The following GALK2 variants were observed in gnomAD, a reference collection of about 807,000 sequenced individuals.
GALK2 encodes N-acetylgalactosamine kinase.
A neutral mutation model predicts 52.4 loss-of-function variants in GALK2; 36 were observed. That is an observed-to-expected ratio of 0.69 (90% CI 0.53 to 0.91). GALK2 has a LOEUF of 0.91. Among genes scored for constraint, GALK2 ranks in the 40% least tolerant of loss-of-function variants. GALK2 has a pLI of 0.00. For synonymous variants in GALK2, 176 were observed against 199.1 expected, an observed-to-expected ratio of 0.88 and a Z score of 0.98; for missense variants, 579 against 559.1, an observed-to-expected ratio of 1.04 and a Z score of -0.36.
intron 3 of GALK2, among the ~76,000 whole-genome samples, chr15:49,354,230 G>C (rs1308623493): frequency 1.3e-5 from 2 of 152,108 alleles, no homozygotes; most frequent in South Asian, 4.1e-4. Flanking sequence ...AAAAGTCTGT[G>C]TATGGGGAGG....
intron 8 of GALK2, among the ~76,000 whole-genome samples, chr15:49,314,343 A>C (rs755685235): frequency 3.9e-5 from 6 of 152,230 alleles, no homozygotes; most frequent in Admixed American, 6.5e-5. Flanking sequence ...AATATAAACA[A>C]TTCTCAGTCA....
chr15:49,182,201 A>G (rs891407949), intron 1 of GALK2, among the ~76,000 whole-genome samples: 18 of 152,184 alleles, frequency 1.2e-4, no homozygotes, highest in Admixed American at 4.6e-4. Context: ...CATGAGTTCA[A>G]TTGTTTTAAT....
At position 49,328,659 on chromosome 15, in the gene GALK2, A is replaced by G. The variant is rs2037958337; in HGVS notation, c.*500A>G. The G allele has an allele frequency of 6.4e-7, 1 of 1,567,712 alleles. No homozygotes were observed. Among genetic ancestry groups the G allele is most frequent in the Non-Finnish European group, 8.7e-7 (1 of 1,153,408 alleles). The stretch of plus-strand genomic sequence containing the variant: ...TAGTGATGCCACACATTCTCTCTCA[A>G]TTTCAGCTTCGGAACGCTATGAAAA... On this transcript the variant is annotated 3_prime_UTR_variant, in exon 10 of 10. Transcript: ENST00000560031.
chr15:49,282,149 AAGGCCCTGAG>A, intron 6 of GALK2, 64 bp downstream of exon 6: 2 of 1,215,792 alleles, frequency 1.6e-6, no homozygotes, highest in African/African-American at 1.5e-5. Flanking sequence ...CATGGAGAAG[AAGGCCCTGAG>A]AGCCCCAGGA....
chr15:49,354,412 G>A (rs1184364455), intron 3 of GALK2, among the ~76,000 whole-genome samples: 1 of 152,220 alleles, frequency 6.6e-6, no homozygotes, highest in Non-Finnish European at 1.5e-5. Context: ...GCCGAAGCAG[G>A]GCGAGGCATT....
At chr15:49,305,655 AATAGCAAG>A (rs1387586120) in intron 8 of GALK2, among the ~76,000 whole-genome samples, 1 of 152,236 alleles carries the variant, frequency 6.6e-6, no homozygotes, top group African/African-American at 2.4e-5. Context: ...TAACACAAGA[AATAGCAAG>A]ATACATGCTT....
intron 3 of GALK2, among the ~76,000 whole-genome samples, chr15:49,366,954 C>G (rs1010950451): frequency 2.0e-5 from 3 of 152,116 alleles, no homozygotes; most frequent in Non-Finnish European, 2.9e-5. Context: ...GGGCCCTACC[C>G]CTGCTTCAAC....
intron 5 of GALK2, among the ~76,000 whole-genome samples, chr15:49,275,940 C>A (rs2031585038): frequency 6.6e-6 from 1 of 152,172 alleles, no homozygotes; most frequent in Non-Finnish European, 1.5e-5. Context: ...CAGGCTGCTT[C>A]AAGAGAACCA....
intron 7 of GALK2, among the ~76,000 whole-genome samples, chr15:49,291,944 T>G (rs1390421685): frequency 6.6e-6 from 1 of 152,162 alleles, no homozygotes; most frequent in African/African-American, 2.4e-5. Flanking sequence ...TTTAAGTAGT[T>G]TTCTCTTGAC....
chr15:49,309,778 G>A (rs181277386), intron 8 of GALK2, among the ~76,000 whole-genome samples: 10 of 151,940 alleles, frequency 6.6e-5, no homozygotes, highest in East Asian at 3.9e-4. Flanking sequence ...GCCCCACGAC[G>A]CCCGGCTAAT....
At chr15:49,201,053 A>T (rs1427002337) in intron 1 of GALK2, 109 bp from the exon 2 acceptor site, 14 of 400,740 alleles carry the variant, frequency 3.5e-5, no homozygotes, top group East Asian at 1.3e-4. Context: ...AGGCATATGG[A>T]GTGTGTGTGT....
At chr15:49,250,770 C>T (rs1163048602) in intron 5 of GALK2, among the ~76,000 whole-genome samples, 5 of 152,126 alleles carry the variant, frequency 3.3e-5, no homozygotes, top group African/African-American at 1.2e-4. Flanking sequence ...GTAAATTATA[C>T]ATTTTCATGT....
chr15:49,291,252 G>T (rs2033907685), intron 7 of GALK2, among the ~76,000 whole-genome samples: 1 of 151,716 alleles, frequency 6.6e-6, no homozygotes, highest in Non-Finnish European at 1.5e-5. Flanking sequence ...TTGTTTCCCA[G>T]TTTGGCCTTA....
rs1380554123 is a variant in GALK2 at position 49,158,104 on chromosome 15, T to C, written c.20+2088T>C. Among the ~76,000 whole-genome samples the C allele has an allele frequency of 4.6e-5, 7 of 152,232 alleles. No homozygotes were observed. In the East Asian group the frequency reaches 1.3e-3, roughly 29 times the overall value. On this transcript the variant is annotated intron_variant, in intron 1 of 9. Coordinates refer to the GALK2 transcript ENST00000327171. ...CAGAACTTAGTTTTTCAAATCCTAG[T>C]AGTGTGTTTTTTCTGATGTGCCAAA...
At chr15:49,340,588 T>G (rs2040568717) in intron 3 of GALK2, among the ~76,000 whole-genome samples, 1 of 152,176 alleles carries the variant, frequency 6.6e-6, no homozygotes, top group Admixed American at 6.5e-5. Flanking sequence ...AGCAAAGTCC[T>G]TGCCCACTTT....
intron 8 of GALK2, among the ~76,000 whole-genome samples, chr15:49,305,883 A>G (rs894373961): frequency 6.6e-6 from 1 of 152,220 alleles, no homozygotes; most frequent in African/African-American, 2.4e-5. Context: ...GGAGAACTAC[A>G]TAAGCACATT....
intron 3 of GALK2, among the ~76,000 whole-genome samples, chr15:49,227,183 A>G (rs1244968202): frequency 6.6e-6 from 1 of 151,972 alleles, no homozygotes; most frequent in Non-Finnish European, 1.5e-5. Flanking sequence ...TTCTTTTTAA[A>G]TTTTCTGTTG....
intron 5 of GALK2, among the ~76,000 whole-genome samples, chr15:49,281,207 A>G (rs1269973641): frequency 6.6e-6 from 1 of 152,234 alleles, no homozygotes; most frequent in East Asian, 1.9e-4. Flanking sequence ...ATATTGGACA[A>G]AAGTACAATT....
intron 2 of GALK2, among the ~76,000 whole-genome samples, chr15:49,205,996 C>T (rs1019297857): frequency 5.9e-5 from 9 of 152,104 alleles, no homozygotes; most frequent in Admixed American, 6.5e-5. Flanking sequence ...GGTGTCCTTT[C>T]CCTACTTTTT....
Sources: allele counts gnomAD v4.1 joint callset (sites outside exome capture counted in the v4.1 genomes callset), GRCh38; gene constraint gnomAD v4.1.1; transcripts MANE v1.5; gene names NCBI Gene and HGNC (gene_info 2026-07-23, HGNC 2026-07-21).